Variants in NR3C2 observed in about 807,000 individuals in gnomAD.
NR3C2 encodes nuclear receptor subfamily 3 group C member 2.
A neutral mutation model predicts 86.4 loss-of-function variants in NR3C2; 15 were observed. The ratio of observed to expected loss-of-function variants is 0.17; its 90% CI spans 0.12 to 0.27. The LOEUF is 0.27. NR3C2 is among the 10% of genes least tolerant of loss of function. NR3C2 has a pLI of 1.00. For missense variants in NR3C2, 960 were observed against 1,195.6 expected (o/e 0.80, Z 2.91); for synonymous variants, 458 against 450.5 (o/e 1.02, Z -0.21).
chr4:148,141,056 C>T (rs1338923799), intron 6 of NR3C2, among the ~76,000 whole-genome samples: 3 of 152,134 alleles, frequency 2.0e-5, no homozygotes, highest in Non-Finnish European at 4.4e-5. Context: ...AAGGTCAATC[C>T]ACATCAGGAA....
chr4:148,336,724 A>T (rs1433356633), intron 2 of NR3C2, among the ~76,000 whole-genome samples: 3 of 152,168 alleles, frequency 2.0e-5, no homozygotes, highest in African/African-American at 7.2e-5. Context: ...TAGTTTGTGG[A>T]TTAAGAATCA....
rs187968743 is a variant in NR3C2, at chr4:148,081,121, T to C, written c.*223A>G. 2 of 585,962 alleles carry C rather than the reference T, an allele frequency of 3.4e-6. No homozygotes were observed. The highest frequency in any genetic ancestry group is 1.9e-5 in the African/African-American group (1 of 53,672). 36.3% of individuals were successfully genotyped at this position (585,962 alleles called of 1,614,324 possible). A position where few individuals can be genotyped will look rare whatever the true frequency, so the allele number is the denominator to read the frequency against. ...GGAACAGGAACATGTTTCTAAGCGCTGGGGGATTGGAGGTGGGGAATCCTT... is the reference window on the plus strand; with the variant it reads ...GGAACAGGAACATGTTTCTAAGCGCCGGGGGATTGGAGGTGGGGAATCCTT... On this transcript the variant is annotated 3_prime_UTR_variant, in exon 9 of 9. Coordinates refer to ENST00000358102, the MANE Select transcript of NR3C2 (RefSeq NM_000901.5).
rs569285045 is a variant in NR3C2 at position 148,231,362 on chromosome 4, G to C, written c.1897+28616C>G. 2.0e-5 allele frequency among the ~76,000 whole-genome samples: 3 copies of C among 152,204 alleles called. No individual in the cohort carries two copies. The South Asian group carries it at 6.2e-4, about 32-fold the overall frequency. ...CAAACAGACATGCCTTAGAGATATT[G>C]AGAGCTCTGTTCCAGATCACCACAA... On this transcript the variant is annotated intron_variant, in intron 3 of 8. Transcript: ENST00000358102.
intron 2 of NR3C2, among the ~76,000 whole-genome samples, chr4:148,352,775 TTC>T (rs1179724704): frequency 3.3e-5 from 5 of 152,114 alleles, no homozygotes; most frequent in Non-Finnish European, 7.3e-5. Flanking sequence ...AACCATCAGG[TTC>T]TTTTTGTTTT....
At position 148,435,634 on chromosome 4, in the gene NR3C2, T is replaced by C; in HGVS notation, c.1227A>G (p.Ser409=). 1 of 1,614,030 alleles carries C rather than the reference T, an allele frequency of 6.2e-7. No individual in the cohort carries two copies. The highest frequency in any genetic ancestry group is 8.5e-7 in the Non-Finnish European group (1 of 1,179,900). Residue 409 remains serine, a synonymous_variant, in exon 2 of 9, where the codon TCA becomes TCG. Transcript: ENST00000358102. The part of the protein sequence containing the change: ...KPEPDGAFSS[S]CLGGNSKINS... ...TTATTTTGCTATTTCCTCCTAGACA[T>C]GAGCTGCTAAAAGCTCCATCTGGTT...
At chr4:148,440,750 T>C (rs1043200430) in intron 1 of NR3C2, among the ~76,000 whole-genome samples, 15 of 152,268 alleles carry the variant, frequency 9.9e-5, no homozygotes, top group African/African-American at 3.6e-4. Flanking sequence ...TTTTACGTTT[T>C]ACAGTCTGTG....
chr4:148,162,103 G>A (rs570147669), intron 4 of NR3C2, among the ~76,000 whole-genome samples: 1 of 152,268 alleles, frequency 6.6e-6, no homozygotes, highest in Admixed American at 6.5e-5. Flanking sequence ...ACCCACCTAA[G>A]AGGAAAGTCC....
chr4:148,334,559 CAAAA>C (rs1365040432), intron 2 of NR3C2, among the ~76,000 whole-genome samples: 2 of 152,018 alleles, frequency 1.3e-5, no homozygotes, highest in Non-Finnish European at 2.9e-5. Flanking sequence ...AACAAACAAA[CAAAA>C]AAACTTACAC....
intron 3 of NR3C2, among the ~76,000 whole-genome samples, chr4:148,258,139 A>T (rs1739917659): frequency 6.6e-6 from 1 of 152,254 alleles, no homozygotes; most frequent in Non-Finnish European, 1.5e-5. Context: ...GTGGATCTAC[A>T]GGTAGGGCCA....
chr4:148,370,635 T>G (rs1475378930), intron 2 of NR3C2, among the ~76,000 whole-genome samples: 1 of 152,066 alleles, frequency 6.6e-6, no homozygotes, highest in Non-Finnish European at 1.5e-5. Flanking sequence ...ACTATGAAGT[T>G]TATAAGAAAT....
At chr4:148,203,260 A>G (rs1336447413) in intron 3 of NR3C2, among the ~76,000 whole-genome samples, 1 of 152,104 alleles carries the variant, frequency 6.6e-6, no homozygotes, top group East Asian at 1.9e-4. Flanking sequence ...GTCTTCACTA[A>G]CTACCCCGGT....
intron 2 of NR3C2, among the ~76,000 whole-genome samples, chr4:148,292,993 C>T (rs1457556776): frequency 6.6e-6 from 1 of 152,064 alleles, no homozygotes; most frequent in African/African-American, 2.4e-5. Context: ...GCACAGAACA[C>T]TACAATACTT....
At chr4:148,274,087 GAAAA>G (rs550801399) in intron 2 of NR3C2, among the ~76,000 whole-genome samples, 1 of 108,894 alleles carries the variant, frequency 9.2e-6, no homozygotes, top group African/African-American at 3.2e-5. Context: ...CAGCTCATGA[GAAAA>G]AAAAAAAAAA....
At chr4:148,189,654 AC>A (rs1256996754) in intron 4 of NR3C2, among the ~76,000 whole-genome samples, 1 of 151,968 alleles carries the variant, frequency 6.6e-6, no homozygotes, top group African/African-American at 2.4e-5. Flanking sequence ...CTGGTCCTGG[AC>A]TTTTTTTTGT....
intron 3 of NR3C2, among the ~76,000 whole-genome samples, chr4:148,257,705 ATCTC>A (rs1443383200): frequency 6.6e-6 from 1 of 152,128 alleles, no homozygotes; most frequent in Non-Finnish European, 1.5e-5. Flanking sequence ...CACATATTTA[ATCTC>A]TCTCATACAC....
intron 2 of NR3C2, among the ~76,000 whole-genome samples, chr4:148,379,417 G>T (rs1204225882): frequency 1.3e-5 from 2 of 152,106 alleles, no homozygotes; most frequent in African/African-American, 2.4e-5. Flanking sequence ...AAAGCAGAAC[G>T]GCAACATGCA....
At chr4:148,381,850 G>T (rs985154098) in intron 2 of NR3C2, among the ~76,000 whole-genome samples, 2 of 152,094 alleles carry the variant, frequency 1.3e-5, no homozygotes, top group African/African-American at 2.4e-5. Context: ...AGATGTTCTG[G>T]TCTAACCACC....
chr4:148,234,428 T>C (rs1579048265), intron 3 of NR3C2, among the ~76,000 whole-genome samples: 1 of 151,982 alleles, frequency 6.6e-6, no homozygotes, highest in East Asian at 1.9e-4. Flanking sequence ...TCCCAGCACT[T>C]TGGAAGGCTG....
intron 2 of NR3C2, among the ~76,000 whole-genome samples, chr4:148,361,888 A>AGT (rs771596448): frequency 2.6e-5 from 4 of 152,156 alleles, no homozygotes; most frequent in Middle Eastern, 3.2e-3. Context: ...CCAAGGCTGG[A>AGT]GTGCAGTGGC....
Sources: gnomAD v4.1 joint callset for allele counts (sites outside exome capture counted in the v4.1 genomes callset) on GRCh38, gnomAD v4.1.1 for gene constraint, MANE v1.5 for transcripts, NCBI Gene and HGNC (gene_info 2026-07-23, HGNC 2026-07-21) for gene names.